Variants in CERS6 observed in about 807,000 individuals in gnomAD.
The protein encoded by CERS6 is ceramide synthase 6.
A neutral mutation model predicts 56.8 loss-of-function variants in CERS6; 26 were observed. That is an observed-to-expected ratio of 0.46 (90% CI 0.34 to 0.63). The LOEUF (loss-of-function observed/expected upper bound fraction) is 0.63, where lower values mean the gene tolerates loss of function less well. Ranked by LOEUF, CERS6 falls within the 30% of genes least tolerant of loss-of-function variation. CERS6 has a pLI of 0.01. For missense variants in CERS6, 415 were observed against 467.5 expected, an observed-to-expected ratio of 0.89 and a Z score of 1.04; for synonymous variants, 164 against 173.3, an observed-to-expected ratio of 0.95 and a Z score of 0.42.
At chr2:168,620,310 A>AT (rs2105283303) in intron 3 of CERS6, among the ~76,000 whole-genome samples, 1 of 152,156 alleles carries the variant, frequency 6.6e-6, no homozygotes, top group South Asian at 2.1e-4. Context: ...AAGACTACAA[A>AT]TTGGGTTCAG....
intron 2 of CERS6, among the ~76,000 whole-genome samples, chr2:168,556,127 C>T (rs1428499018): frequency 6.6e-6 from 1 of 151,942 alleles, no homozygotes; most frequent in Non-Finnish European, 1.5e-5. Flanking sequence ...TGTATCAAAG[C>T]ATAGAAAATT....
intron 4 of CERS6, among the ~76,000 whole-genome samples, chr2:168,676,277 T>C (rs1184540483): frequency 6.6e-6 from 1 of 152,220 alleles, no homozygotes; most frequent in Non-Finnish European, 1.5e-5. Context: ...ACACAGTTAA[T>C]GTTAACATCT....
intron 8 of CERS6, 94 bp downstream of exon 8, chr2:168,718,072 GGT>G: frequency 1.2e-6 from 1 of 844,888 alleles, no homozygotes. Context: ...AGTATTTACA[GGT>G]TTAAATATAT....
In CERS6 at chr2:168,725,457, C is replaced by T. The variant is rs577115694; in HGVS notation, c.845+7479C>T. On this transcript the variant is annotated intron_variant, in intron 8 of 9. Coordinates refer to ENST00000305747, the MANE Select transcript of CERS6 (RefSeq NM_203463.3). ...GTGAGGACTGCCAGCACGCTGTCAC[C>T]TCTCACTAACACATCCTTAAATAAT... Among the ~76,000 whole-genome samples, 16 of 152,400 alleles carry T rather than the reference C, an allele frequency of 1.0e-4. No individual in the cohort carries two copies. The South Asian group carries it at 2.5e-3, about 24-fold the overall frequency.
intron 8 of CERS6, among the ~76,000 whole-genome samples, chr2:168,732,788 A>G (rs747997349): frequency 5.9e-5 from 9 of 152,154 alleles, no homozygotes; most frequent in Non-Finnish European, 1.3e-4. Context: ...TTTGGGGAAG[A>G]TGATGAAAGA....
At chr2:168,476,244 G>A (rs1452074222) in intron 1 of CERS6, among the ~76,000 whole-genome samples, 1 of 149,000 alleles carries the variant, frequency 6.7e-6, no homozygotes, top group African/African-American at 2.5e-5. Context: ...TTATCACCTT[G>A]CTCTGTGTAA....
chr2:168,537,339 CTGAT>C (rs1313759799), intron 1 of CERS6, among the ~76,000 whole-genome samples: 2 of 152,182 alleles, frequency 1.3e-5, no homozygotes, highest in East Asian at 1.9e-4. Flanking sequence ...CTTTGTCTGA[CTGAT>C]TGTGTTAGAT....
intron 3 of CERS6, among the ~76,000 whole-genome samples, chr2:168,586,946 G>A (rs1347062165): frequency 6.6e-6 from 1 of 152,126 alleles, no homozygotes; most frequent in East Asian, 1.9e-4. Flanking sequence ...TGAGGTGGGC[G>A]GATTACCTGA....
intron 1 of CERS6, among the ~76,000 whole-genome samples, chr2:168,496,000 G>A (rs887702276): frequency 6.6e-6 from 1 of 152,172 alleles, no homozygotes; most frequent in Admixed American, 6.5e-5. Context: ...GCAGTTACAA[G>A]CACATGCACA....
At chr2:168,681,246 C>A (rs767137891) in intron 4 of CERS6, among the ~76,000 whole-genome samples, 3 of 152,148 alleles carry the variant, frequency 2.0e-5, no homozygotes, top group Non-Finnish European at 2.9e-5. Flanking sequence ...GTTTTATTCT[C>A]TGTTATTTGC....
intron 4 of CERS6, among the ~76,000 whole-genome samples, chr2:168,658,559 G>A (rs1433635273): frequency 6.6e-6 from 1 of 152,226 alleles, no homozygotes; most frequent in Non-Finnish European, 1.5e-5. Context: ...GTCATCCCCA[G>A]CGTCAGGCGT....
intron 1 of CERS6, among the ~76,000 whole-genome samples, chr2:168,461,156 A>T (rs1693772674): frequency 2.0e-5 from 3 of 152,174 alleles, no homozygotes; most frequent in Admixed American, 2.0e-4. Context: ...GACTGATCTG[A>T]TATATTTTAA....
At chr2:168,566,881 GAA>G (rs142453270) in intron 3 of CERS6, among the ~76,000 whole-genome samples, 5,726 of 151,552 alleles carry the variant, frequency 0.038, 260 homozygotes, top group African/African-American at 0.1. Context: ...TTGCCAGAGA[GAA>G]AATTCAATTT....
chr2:168,735,955 C>G (rs1683704755), intron 8 of CERS6, among the ~76,000 whole-genome samples: 1 of 151,560 alleles, frequency 6.6e-6, no homozygotes, highest in Non-Finnish European at 1.5e-5. Flanking sequence ...CCTGTAATCC[C>G]AGCACTTTGG....
At chr2:168,587,430 C>T (rs988344377) in intron 3 of CERS6, among the ~76,000 whole-genome samples, 1 of 152,172 alleles carries the variant, frequency 6.6e-6, no homozygotes, top group African/African-American at 2.4e-5. Flanking sequence ...GTGTTGGTTA[C>T]ACCAATTCAG....
intron 4 of CERS6, among the ~76,000 whole-genome samples, chr2:168,683,667 C>A (rs1686273083): frequency 6.6e-6 from 1 of 152,148 alleles, no homozygotes; most frequent in African/African-American, 2.4e-5. Context: ...CTTTTCTATA[C>A]CTGGTCTCTT....
chr2:168,713,862 G>A (rs939653026), intron 6 of CERS6, among the ~76,000 whole-genome samples: 22 of 152,134 alleles, frequency 1.4e-4, no homozygotes, highest in African/African-American at 4.8e-4. Context: ...CCCAACAGGC[G>A]TATTCTGGGA....
intron 8 of CERS6, among the ~76,000 whole-genome samples, chr2:168,735,773 T>C (rs1049729179): frequency 6.7e-6 from 1 of 148,958 alleles, no homozygotes; most frequent in Non-Finnish European, 1.5e-5. Flanking sequence ...TCCCTGCTAC[T>C]TGGGAGGCTA....
At chr2:168,658,322 G>C (rs12472310) in intron 4 of CERS6, among the ~76,000 whole-genome samples, 124,959 of 151,868 alleles carry the variant, frequency 0.82, 51,498 homozygotes, top group Middle Eastern at 0.88. Context: ...TCGGCTCCCC[G>C]GCCTGGTCAA....
Sources: gnomAD v4.1 joint callset for allele counts (sites outside exome capture counted in the v4.1 genomes callset) on GRCh38, gnomAD v4.1.1 for gene constraint, MANE v1.5 for transcripts, NCBI Gene and HGNC (gene_info 2026-07-23, HGNC 2026-07-21) for gene names.